SLC39A9: variants seen among roughly 807,000 people sequenced by gnomAD.
The protein encoded by SLC39A9 is solute carrier family 39 member 9, also known as zinc transporter ZIP9.
In SLC39A9, 14 loss-of-function variants were observed where a neutral mutation model predicts 28.4. The observed-to-expected ratio is 0.49, with a 90% CI of 0.33 to 0.77. The LOEUF is 0.77. SLC39A9 is among the 30% of genes least tolerant of loss of function. The probability of loss-of-function intolerance (pLI) is 0.02; values close to 1 mark genes in which losing one functional copy is unlikely to be tolerated. For missense variants in SLC39A9, 283 were observed against 381.1 expected, an observed-to-expected ratio of 0.74 and a Z score of 2.14; for synonymous variants, 119 against 149.6, an observed-to-expected ratio of 0.80 and a Z score of 1.49.
chr14:69,402,955 G>A (rs565592209), intron 1 of SLC39A9, among the ~76,000 whole-genome samples: 2 of 152,204 alleles, frequency 1.3e-5, no homozygotes, highest in Non-Finnish European at 2.9e-5. Context: ...GGTGGCATGT[G>A]CCTGTAATCC....
chr14:69,404,511 A>G (rs932924145), intron 1 of SLC39A9, among the ~76,000 whole-genome samples: 3 of 152,256 alleles, frequency 2.0e-5, no homozygotes, highest in Non-Finnish European at 2.9e-5. Context: ...CAGATTCTCA[A>G]TACTGATTAG....
chr14:69,412,390 AAAAT>A (rs201794769), intron 1 of SLC39A9, among the ~76,000 whole-genome samples: 29,217 of 142,062 alleles, frequency 0.21, 3,135 homozygotes, highest in African/African-American at 0.27. Flanking sequence ...CTCCATCTCA[AAAAT>A]AAATAAATAA....
At chr14:69,409,825 A>C (rs2140253001) in intron 1 of SLC39A9, among the ~76,000 whole-genome samples, 1 of 152,320 alleles carries the variant, frequency 6.6e-6, no homozygotes, top group Non-Finnish European at 1.5e-5. Context: ...AAGGGCATGA[A>C]TGTTCTTCAG....
chr14:69,415,884 G>A (rs1368418837), intron 1 of SLC39A9, among the ~76,000 whole-genome samples: 1 of 152,058 alleles, frequency 6.6e-6, no homozygotes, highest in Non-Finnish European at 1.5e-5. Flanking sequence ...ATGTATCAGA[G>A]ATAATAGAGC....
At chr14:69,448,509 T>G (rs1323782172) in intron 3 of SLC39A9, among the ~76,000 whole-genome samples, 1 of 152,094 alleles carries the variant, frequency 6.6e-6, no homozygotes, top group African/African-American at 2.4e-5. Context: ...GAACCCGTAG[T>G]CTTAAGGACA....
chr14:69,437,745 T>C (rs1884847242), intron 2 of SLC39A9, among the ~76,000 whole-genome samples: 1 of 151,940 alleles, frequency 6.6e-6, no homozygotes, highest in South Asian at 2.1e-4. Context: ...CCTGCCATCA[T>C]GCCCAGCTAA....
Position 69,461,762 on chromosome 14 carries a change from G to A in SLC39A9, c.*3169G>A. On this transcript the variant is annotated 3_prime_UTR_variant, in exon 7 of 7. Coordinates refer to ENST00000336643, the MANE Select transcript of SLC39A9 (RefSeq NM_018375.5). The stretch of plus-strand genomic sequence containing the variant: ...AGCCCCTGAAACACATGGTAGCTAG[G>A]GACTGAACACAGGAACCGTATGACA... 6.5e-7 allele frequency: 1 copy of A among 1,533,746 alleles called. No individual in the cohort carries two copies. The highest frequency in any genetic ancestry group is 1.2e-5 in the South Asian group (1 of 83,746).
intron 2 of SLC39A9, among the ~76,000 whole-genome samples, chr14:69,433,860 C>T (rs1884613350): frequency 6.6e-6 from 1 of 152,104 alleles, no homozygotes; most frequent in African/African-American, 2.4e-5. Flanking sequence ...TCTCAGCTCA[C>T]TGCAACCTCC....
chr14:69,450,969 G>A (rs1594948537), intron 3 of SLC39A9, among the ~76,000 whole-genome samples: 1 of 152,116 alleles, frequency 6.6e-6, no homozygotes, highest in Non-Finnish European at 1.5e-5. Flanking sequence ...TCAATAAAAT[G>A]TATTTATTAA....
intron 1 of SLC39A9, among the ~76,000 whole-genome samples, chr14:69,413,012 GA>G (rs1883356505): frequency 2.0e-5 from 3 of 152,110 alleles, no homozygotes; most frequent in African/African-American, 7.2e-5. Context: ...TTTGCACTTA[GA>G]TCAGGGTTTT....
intron 6 of SLC39A9, among the ~76,000 whole-genome samples, chr14:69,457,054 C>G (rs1399216324): frequency 6.6e-6 from 1 of 152,146 alleles, no homozygotes; most frequent in Admixed American, 6.5e-5. Flanking sequence ...CATGGAGTTA[C>G]TTGCTGCATC....
At chr14:69,419,008 G>A (rs540075072) in intron 1 of SLC39A9, among the ~76,000 whole-genome samples, 2 of 152,244 alleles carry the variant, frequency 1.3e-5, no homozygotes, top group South Asian at 4.1e-4. Context: ...ATGTCCTTCA[G>A]TTCTGCTCTG....
chr14:69,446,864 ACT>A (rs1272800910), intron 3 of SLC39A9, among the ~76,000 whole-genome samples: 1 of 134,768 alleles, frequency 7.4e-6, no homozygotes, highest in African/African-American at 2.8e-5. Flanking sequence ...CAAGAACTAA[ACT>A]CTGTCTCAAA....
At position 69,433,259 on chromosome 14, in the gene SLC39A9, A is replaced by G. The variant is rs77368839; in HGVS notation, c.206-8810A>G. Among the ~76,000 whole-genome samples, 1,310 of 152,246 alleles carry G rather than the reference A, an allele frequency of 8.6e-3. 25 individuals are homozygous for G. Among genetic ancestry groups the G allele is most frequent in the African/African-American group, 0.03 (1,266 of 41,540 alleles). On this transcript the variant is annotated intron_variant, in intron 2 of 6. Coordinates refer to ENST00000336643, the MANE Select transcript of SLC39A9 (RefSeq NM_018375.5). Reference sequence around the variant, plus strand: ...AGTGAATTGCAGTGATTGATTTTCAAATGTTGAACTAGACTTGCATATACC... The same window carrying G: ...AGTGAATTGCAGTGATTGATTTTCAGATGTTGAACTAGACTTGCATATACC...
intron 1 of SLC39A9, among the ~76,000 whole-genome samples, chr14:69,411,941 C>T (rs1257106685): frequency 2.6e-5 from 4 of 151,832 alleles, no homozygotes; most frequent in Admixed American, 2.0e-4. Flanking sequence ...TGCCACCATG[C>T]CCAGCTCATT....
chr14:69,410,583 C>T (rs1413852027), intron 1 of SLC39A9, among the ~76,000 whole-genome samples: 1 of 152,230 alleles, frequency 6.6e-6, no homozygotes, highest in Non-Finnish European at 1.5e-5. Context: ...GCTGTAAGGA[C>T]TTGAAGAACC....
At chr14:69,451,431 A>G (rs1885606279) in intron 3 of SLC39A9, among the ~76,000 whole-genome samples, 1 of 152,158 alleles carries the variant, frequency 6.6e-6, no homozygotes, top group African/African-American at 2.4e-5. Flanking sequence ...TAACATCTTT[A>G]TTTAATACAC....
chr14:69,435,595 C>T (rs778191399), intron 2 of SLC39A9, among the ~76,000 whole-genome samples: 1 of 152,134 alleles, frequency 6.6e-6, no homozygotes, highest in African/African-American at 2.4e-5. Context: ...TTGTGAGCCA[C>T]GTGATCTTAA....
At chr14:69,458,222 A>T in intron 6 of SLC39A9, 141 bp from the exon 7 acceptor site, 1 of 980,742 alleles carries the variant, frequency 1.0e-6, no homozygotes, top group Non-Finnish European at 1.5e-6. Context: ...TGAATAACTT[A>T]AAGTTGCTGT....
Sources: allele counts gnomAD v4.1 joint callset (sites outside exome capture counted in the v4.1 genomes callset), GRCh38; gene constraint gnomAD v4.1.1; transcripts MANE v1.5; gene names NCBI Gene and HGNC (gene_info 2026-07-23, HGNC 2026-07-21).